Variants in TAFA1 observed in about 807,000 individuals in gnomAD.
TAFA1 encodes the protein TAFA chemokine like family member 1.
In TAFA1, 4 loss-of-function variants were observed where a neutral mutation model predicts 18.5. The ratio of observed to expected loss-of-function variants is 0.22; its 90% CI spans 0.11 to 0.49. The LOEUF (loss-of-function observed/expected upper bound fraction) is 0.49, where lower values mean the gene tolerates loss of function less well. Among genes scored for constraint, TAFA1 ranks in the 20% least tolerant of loss-of-function variants. The pLI is 0.98. For missense variants in TAFA1, 147 were observed against 169.0 expected (o/e 0.87, Z 0.72); for synonymous variants, 56 against 55.2 (o/e 1.01, Z -0.06).
At chr3:68,052,248 C>T (rs2064480118) in intron 2 of TAFA1, among the ~76,000 whole-genome samples, 1 of 152,076 alleles carries the variant, frequency 6.6e-6, no homozygotes, top group Non-Finnish European at 1.5e-5. Flanking sequence ...TTGAGATCTT[C>T]TCTCAACTTG....
chr3:68,411,482 A>G (rs1027741297), intron 2 of TAFA1, among the ~76,000 whole-genome samples: 12 of 152,212 alleles, frequency 7.9e-5, no homozygotes, highest in Admixed American at 7.2e-4. Flanking sequence ...GAAACAGGAA[A>G]GTATATTATG....
chr3:68,531,373 A>T (rs1290743419), intron 3 of TAFA1, among the ~76,000 whole-genome samples: 1 of 152,128 alleles, frequency 6.6e-6, no homozygotes, highest in Non-Finnish European at 1.5e-5. Flanking sequence ...AGTAAAGCAC[A>T]CTTGAAAGAG....
chr3:68,193,592 G>T (rs1210285932), intron 2 of TAFA1, among the ~76,000 whole-genome samples: 1 of 151,756 alleles, frequency 6.6e-6, no homozygotes, highest in Non-Finnish European at 1.5e-5. Context: ...ATTTTTGAGT[G>T]TAGTTTCCAT....
chr3:68,424,182 A>G (rs2071011942), intron 3 of TAFA1, among the ~76,000 whole-genome samples: 1 of 152,086 alleles, frequency 6.6e-6, no homozygotes, highest in Non-Finnish European at 1.5e-5. Flanking sequence ...CTGGCTCATC[A>G]TACTTAGTCC....
intron 3 of TAFA1, among the ~76,000 whole-genome samples, chr3:68,422,680 C>A (rs528716411): frequency 1.3e-5 from 2 of 152,026 alleles, no homozygotes; most frequent in Admixed American, 6.6e-5. Context: ...TCTTTTATTT[C>A]AAAAATGATA....
intron 2 of TAFA1, among the ~76,000 whole-genome samples, chr3:68,389,235 A>C (rs2070172626): frequency 6.6e-6 from 1 of 152,188 alleles, no homozygotes; most frequent in Non-Finnish European, 1.5e-5. Flanking sequence ...TGTCAACTTA[A>C]ATATAATATG....
chr3:68,237,190 T>C (rs2066937642), intron 2 of TAFA1, among the ~76,000 whole-genome samples: 1 of 152,178 alleles, frequency 6.6e-6, no homozygotes, highest in Non-Finnish European at 1.5e-5. Context: ...ATTCAGTGTC[T>C]GGTGAAGGCC....
intron 3 of TAFA1, among the ~76,000 whole-genome samples, chr3:68,523,792 A>T (rs1272583582): frequency 6.6e-6 from 1 of 152,180 alleles, no homozygotes; most frequent in African/African-American, 2.4e-5. Flanking sequence ...CAGTAAATCC[A>T]AGGGCAAAAT....
the TAFA1 span, among the ~76,000 whole-genome samples, chr3:67,994,536 A>G: frequency 2.0e-5 from 3 of 152,208 alleles, no homozygotes; most frequent in African/African-American, 7.2e-5. Flanking sequence ...AAGCTGTCTT[A>G]ATTCATCACA....
chr3:68,391,940 A>C (rs563912319), intron 2 of TAFA1, among the ~76,000 whole-genome samples: 1 of 152,290 alleles, frequency 6.6e-6, no homozygotes, highest in African/African-American at 2.4e-5. Context: ...ACTATGAAGA[A>C]ACTGCATCAA....
At chr3:68,381,128 T>C (rs1203766695) in intron 2 of TAFA1, among the ~76,000 whole-genome samples, 1 of 111,154 alleles carries the variant, frequency 9.0e-6, no homozygotes, top group Non-Finnish European at 1.8e-5. Flanking sequence ...CATTGGTCTA[T>C]ATCTCTGTTT....
At chr3:68,463,749 T>C (rs77999068) in intron 3 of TAFA1, among the ~76,000 whole-genome samples, 1 of 151,994 alleles carries the variant, frequency 6.6e-6, no homozygotes, top group African/African-American at 2.4e-5. Flanking sequence ...CAGTTTTTTG[T>C]TTTTTTTATA....
chr3:68,321,077 T>C (rs1167862010), intron 2 of TAFA1, among the ~76,000 whole-genome samples: 1 of 152,240 alleles, frequency 6.6e-6, no homozygotes, highest in African/African-American at 2.4e-5. Flanking sequence ...GATCTACCTC[T>C]TGCCAACTGT....
intron 2 of TAFA1, among the ~76,000 whole-genome samples, chr3:68,356,587 A>G (rs1559631362): frequency 1.3e-5 from 2 of 151,970 alleles, no homozygotes; most frequent in Non-Finnish European, 2.9e-5. Flanking sequence ...CCTTACATGC[A>G]GTATCTGATT....
chr3:68,139,860 A>G (rs1468996026), intron 2 of TAFA1, among the ~76,000 whole-genome samples: 2 of 152,194 alleles, frequency 1.3e-5, no homozygotes, highest in African/African-American at 2.4e-5. Flanking sequence ...CAAGTTGTTT[A>G]TTATTGGCTG....
intron 2 of TAFA1, among the ~76,000 whole-genome samples, chr3:68,320,401 C>G (rs1244511636): frequency 1.3e-5 from 2 of 152,192 alleles, no homozygotes; most frequent in Non-Finnish European, 2.9e-5. Context: ...ACTTTCCAGG[C>G]TCTTGTGCCA....
At chr3:68,276,313 C>T (rs909845224) in intron 2 of TAFA1, among the ~76,000 whole-genome samples, 1 of 152,132 alleles carries the variant, frequency 6.6e-6, no homozygotes, top group Non-Finnish European at 1.5e-5. Flanking sequence ...TGGGAGCTGT[C>T]CTGAGCATTA....
In TAFA1 at chr3:68,323,853, C is replaced by T. The variant is rs528397225; in HGVS notation, c.119-93427C>T. ...TACACGAGTTTTATGTTGTGTTCCA[C>T]GTTGGGAGGGCAAGCCAGATAGCAA... On this transcript the variant is annotated intron_variant, in intron 2 of 4. Transcript: ENST00000478136. Among the ~76,000 whole-genome samples the T allele has an allele frequency of 8.6e-4, 131 of 152,064 alleles. 1 individual carries two copies. The highest frequency in any genetic ancestry group is 1.3e-3 in the Non-Finnish European group (87 of 68,018).
At chr3:68,138,119 A>G (rs970637549) in intron 2 of TAFA1, among the ~76,000 whole-genome samples, 9 of 152,198 alleles carry the variant, frequency 5.9e-5, no homozygotes, top group African/African-American at 1.9e-4. Context: ...CTTCCTACTT[A>G]ACAATCATCG....
Sources: gnomAD v4.1 joint callset for allele counts (sites outside exome capture counted in the v4.1 genomes callset) on GRCh38, gnomAD v4.1.1 for gene constraint, MANE v1.5 for transcripts, NCBI Gene and HGNC (gene_info 2026-07-23, HGNC 2026-07-21) for gene names.